The following SLC25A21 variants were observed in gnomAD, a reference collection of about 807,000 sequenced individuals.
SLC25A21 encodes the protein solute carrier family 25 member 21, also known as mitochondrial 2-oxodicarboxylate carrier.
SLC25A21 carries 47 observed loss-of-function variants against 43.8 expected under a neutral mutation model. The ratio of observed to expected loss-of-function variants is 1.07; its 90% CI spans 0.85 to 1.37. The LOEUF (loss-of-function observed/expected upper bound fraction) is 1.37. SLC25A21 is among the 40% of genes most tolerant of loss of function. The pLI is 0.00. For synonymous variants in SLC25A21, 131 were observed against 121.3 expected, an observed-to-expected ratio of 1.08 and a Z score of -0.52; for missense variants, 352 against 350.2, an observed-to-expected ratio of 1.00 and a Z score of -0.04.
At chr14:37,024,351 A>G (rs1244137853) in intron 1 of SLC25A21, among the ~76,000 whole-genome samples, 1 of 152,072 alleles carries the variant, frequency 6.6e-6, no homozygotes, top group Non-Finnish European at 1.5e-5. Context: ...ATTGGTTCCA[A>G]GTAGGGTCAA....
intron 2 of SLC25A21, among the ~76,000 whole-genome samples, chr14:36,837,122 G>C (rs1213560689): frequency 6.6e-6 from 1 of 152,154 alleles, no homozygotes; most frequent in Non-Finnish European, 1.5e-5. Context: ...ATGGGAAGGT[G>C]TGTGGCTGGA....
intron 7 of SLC25A21, 102 bp downstream of exon 7, chr14:36,711,216 G>C (rs1883844864): frequency 2.0e-6 from 2 of 984,516 alleles, no homozygotes; most frequent in South Asian, 1.6e-5. Flanking sequence ...AATAGATGTA[G>C]GTGTCCAGCA....
At chr14:37,062,311 C>T (rs533001567) in intron 1 of SLC25A21, among the ~76,000 whole-genome samples, 1 of 152,266 alleles carries the variant, frequency 6.6e-6, no homozygotes, top group East Asian at 1.9e-4. Context: ...GTAAATGATG[C>T]TATGCCTGTG....
At chr14:37,061,568 C>G (rs1369090344) in intron 1 of SLC25A21, among the ~76,000 whole-genome samples, 2 of 151,686 alleles carry the variant, frequency 1.3e-5, no homozygotes, top group Non-Finnish European at 2.9e-5. Context: ...CTGTTCTACT[C>G]TATTTAGAGA....
chr14:37,163,035 A>G (rs954486437), intron 1 of SLC25A21, among the ~76,000 whole-genome samples: 6 of 152,030 alleles, frequency 3.9e-5, no homozygotes, highest in East Asian at 1.9e-4. Context: ...GTAAACTATC[A>G]CAAGAACAAA....
At chr14:36,721,025 C>T (rs919600537) in intron 6 of SLC25A21, among the ~76,000 whole-genome samples, 2 of 152,184 alleles carry the variant, frequency 1.3e-5, no homozygotes, top group African/African-American at 4.8e-5. Context: ...GCTGTGACTG[C>T]TCAATATTAA....
At chr14:37,057,235 ATT>A (rs1398848873) in intron 1 of SLC25A21, among the ~76,000 whole-genome samples, 2 of 152,112 alleles carry the variant, frequency 1.3e-5, no homozygotes, top group African/African-American at 2.4e-5. Context: ...CACCCAGCTC[ATT>A]TTTTGAAACA....
chr14:36,850,154 G>A (rs1439834835), intron 2 of SLC25A21, among the ~76,000 whole-genome samples: 1 of 152,158 alleles, frequency 6.6e-6, no homozygotes, highest in Non-Finnish European at 1.5e-5. Context: ...AGGATGAAGA[G>A]TTGGCCATGG....
At chr14:37,038,263 G>C (rs1349760347) in intron 1 of SLC25A21, among the ~76,000 whole-genome samples, 1 of 152,126 alleles carries the variant, frequency 6.6e-6, no homozygotes, top group Non-Finnish European at 1.5e-5. Flanking sequence ...CAGAGTTTCT[G>C]AGGTGACATA....
chr14:37,047,068 A>G (rs984144865), intron 1 of SLC25A21, among the ~76,000 whole-genome samples: 1 of 152,246 alleles, frequency 6.6e-6, no homozygotes, highest in Non-Finnish European at 1.5e-5. Context: ...AGACAGAACT[A>G]TGAAACAATT....
intron 1 of SLC25A21, among the ~76,000 whole-genome samples, chr14:36,955,509 T>C (rs946113782): frequency 6.6e-6 from 1 of 152,164 alleles, no homozygotes; most frequent in African/African-American, 2.4e-5. Flanking sequence ...ACTTGACTTG[T>C]TGGTCTCTTA....
chr14:36,752,168 C>G (rs1885734013), intron 3 of SLC25A21, among the ~76,000 whole-genome samples: 1 of 152,118 alleles, frequency 6.6e-6, no homozygotes, highest in Admixed American at 6.6e-5. Flanking sequence ...AAATGCAAAT[C>G]AAAACCACAA....
chr14:37,016,055 G>A (rs897333242), intron 1 of SLC25A21, among the ~76,000 whole-genome samples: 29 of 151,654 alleles, frequency 1.9e-4, no homozygotes, highest in African/African-American at 6.3e-4. Context: ...AATTAGATCC[G>A]ATTTGTCAAT....
At chr14:36,741,751 G>C (rs990132802) in intron 3 of SLC25A21, among the ~76,000 whole-genome samples, 19 of 152,158 alleles carry the variant, frequency 1.2e-4, no homozygotes, top group African/African-American at 4.6e-4. Context: ...CCAAAAACCT[G>C]GCATTCAGTA....
In SLC25A21 at chr14:37,129,868, C is replaced by G. The variant is rs146020196; in HGVS notation, c.70+42413G>C. Among the ~76,000 whole-genome samples the G allele has an allele frequency of 3.2e-4, 49 of 151,870 alleles. 1 individual carries two copies. Among genetic ancestry groups the G allele is most frequent in the African/African-American group, 1.1e-3 (44 of 41,470 alleles). On this transcript the variant is annotated intron_variant, in intron 1 of 9. Transcript: ENST00000331299. ...TTTATCCTATTCTAATTATTTCATT[C>G]TACCTAATTCTTGCCTGAATTGAAG...
At chr14:36,741,061 A>C (rs1184319650) in intron 3 of SLC25A21, among the ~76,000 whole-genome samples, 1 of 152,126 alleles carries the variant, frequency 6.6e-6, no homozygotes, top group Non-Finnish European at 1.5e-5. Context: ...AGGTAAAGAA[A>C]CTAAAAAGGA....
At chr14:36,686,860 T>C (rs552986770) in intron 7 of SLC25A21, among the ~76,000 whole-genome samples, 2 of 152,310 alleles carry the variant, frequency 1.3e-5, no homozygotes, top group South Asian at 2.1e-4. Context: ...ATGATGGTCA[T>C]TGTGCTTGAG....
chr14:36,706,105 GA>G (rs1195492337), intron 7 of SLC25A21, among the ~76,000 whole-genome samples: 2 of 151,900 alleles, frequency 1.3e-5, no homozygotes, highest in African/African-American at 2.4e-5. Flanking sequence ...TCTAGGCCAA[GA>G]AAAAAACAAA....
intron 1 of SLC25A21, among the ~76,000 whole-genome samples, chr14:36,993,810 T>A (rs937454249): frequency 6.6e-6 from 1 of 152,130 alleles, no homozygotes; most frequent in Admixed American, 6.6e-5. Context: ...GAACACCTCA[T>A]CAATCCCTTA....
Sources: gnomAD v4.1 joint callset for allele counts (sites outside exome capture counted in the v4.1 genomes callset) on GRCh38, gnomAD v4.1.1 for gene constraint, MANE v1.5 for transcripts, NCBI Gene and HGNC (gene_info 2026-07-23, HGNC 2026-07-21) for gene names.